Variants in ZNF559 observed in about 807,000 individuals in gnomAD.
ZNF559 encodes zinc finger protein 559.
A neutral mutation model predicts 14.2 loss-of-function variants in ZNF559; 17 were observed. The ratio of observed to expected loss-of-function variants is 1.20; its 90% CI spans 0.82 to 1.80. ZNF559 has a LOEUF of 1.80. Among genes scored for constraint, ZNF559 ranks in the 40% most tolerant of loss-of-function variants. The pLI is 0.00. For synonymous variants in ZNF559, 244 were observed against 212.4 expected (o/e 1.15, Z -1.29); for missense variants, 740 against 629.7 (o/e 1.18, Z -1.88).
At chr19:9,323,939 ATTCT>A (rs1221075300), upstream of ZNF559, 19 of 569,582 alleles carry the variant, frequency 3.3e-5, no homozygotes, top group Non-Finnish European at 5.3e-5. Context: ...TTGTTGCTTC[ATTCT>A]TTCTTTGCTT....
chr19:9,327,500 C>T (rs564753328), intron 2 of ZNF559, among the ~76,000 whole-genome samples: 6 of 152,242 alleles, frequency 3.9e-5, no homozygotes, highest in Non-Finnish European at 5.9e-5. Flanking sequence ...CCTCCCGCCT[C>T]GGCCTCCCAA....
chr19:9,324,471 C>T lies in ZNF559; in HGVS notation c.-205-224C>T, dbSNP rs556849600. On this transcript the variant is annotated intron_variant, in intron 1 of 6. Coordinates refer to ENST00000603380, the MANE Select transcript of ZNF559 (RefSeq NM_032497.3). ...CCCGGGAGGAGGCGGGGGGCACGGC[C>T]TTTCCATTTTCCCTGCTCCCCTCTG... is the stretch of plus-strand genomic sequence containing the variant. The T allele has an allele frequency of 4.2e-4, 597 of 1,420,552 alleles. No individual in the cohort carries two copies. In the African/African-American group the frequency reaches 7.7e-3, roughly 18 times the overall value. The allele number at this position is 1,420,552 out of a possible 1,614,324, so 88.0% of individuals were successfully genotyped here.
rs1415068202 is a variant in ZNF559, at chr19:9,344,242, AAAAG to A, written c.*1178_*1181del. On this transcript the variant is annotated 3_prime_UTR_variant, in exon 7 of 7. Transcript: ENST00000603380. ...GATGATATGGTAAGACCATCTCAAA[AAAAG>A]AAAAAAAAATTAAAATATCCTCAGA... 2.0e-5 allele frequency: 3 copies of A among 152,152 alleles called. No individual in the cohort carries two copies. The highest frequency in any genetic ancestry group is 4.4e-5 in the Non-Finnish European group (3 of 68,030). 9.4% of individuals were successfully genotyped at this position (152,152 alleles called of 1,614,324 possible). A position where few individuals can be genotyped will look rare whatever the true frequency, so the allele number is the denominator to read the frequency against.
In ZNF559 at chr19:9,334,909, C is replaced by T. The variant is rs1437389958; in HGVS notation, c.-119-2887C>T. 8.6e-5 allele frequency among the ~76,000 whole-genome samples: 13 copies of T among 151,756 alleles called. No homozygotes were observed. The East Asian group carries it at 2.1e-3, about 25-fold the overall frequency. On this transcript the variant is annotated intron_variant, in intron 2 of 6. Transcript: ENST00000603380. ...TAGCACTTTGGGAGGCTGAGGCCGG[C>T]GGATCACGAGGTCAGGAGGTCGAAA...
Position 9,344,411 on chromosome 19 carries a change from G to A in ZNF559, c.*1343G>A, listed in dbSNP as rs1432456080. On this transcript the variant is annotated 3_prime_UTR_variant, in exon 7 of 7. Transcript: ENST00000603380. ...TAATTCCAGCAATTTGGGAGGCCAAGGCAGAAGGATCACTTGAGCCCAGGA... is the reference window on the plus strand; with the variant it reads ...TAATTCCAGCAATTTGGGAGGCCAAAGCAGAAGGATCACTTGAGCCCAGGA... 6.6e-6 allele frequency: 1 copy of A among 151,608 alleles called. No homozygotes were observed. The highest frequency in any genetic ancestry group is 1.5e-5 in the Non-Finnish European group (1 of 67,934). 9.4% of individuals were successfully genotyped at this position (151,608 alleles called of 1,614,324 possible). A position where few individuals can be genotyped will look rare whatever the true frequency, so the allele number is the denominator to read the frequency against.
intron 5 of ZNF559, among the ~76,000 whole-genome samples, chr19:9,340,733 A>ATTTT (rs201367378): frequency 1.6e-5 from 2 of 124,660 alleles, no homozygotes; most frequent in African/African-American, 3.1e-5. Context: ...TGCCTGGCTA[A>ATTTT]TTTTTTTTTT....
chr19:9,337,639 AATATG>A (rs1326903410), intron 2 of ZNF559, 152 bp from the exon 3 acceptor site: 1 of 327,618 alleles, frequency 3.1e-6, no homozygotes, highest in African/African-American at 2.1e-5. Context: ...TTCCTCAACT[AATATG>A]ATAGTAACAA....
intron 3 of ZNF559, 113 bp from the exon 4 acceptor site, chr19:9,338,381 T>A (rs2067356782): frequency 1.3e-6 from 1 of 744,914 alleles, no homozygotes; most frequent in Non-Finnish European, 2.2e-6. Context: ...GCTCAGGCAT[T>A]TTATTATAAC....
chr19:9,324,049 G>A (rs1243661079), upstream of ZNF559: 4 of 1,076,670 alleles, frequency 3.7e-6, no homozygotes, highest in South Asian at 2.9e-5. Context: ...GCTCTTCGGG[G>A]AGGTAAACAG....
chr19:9,336,019 A>C (rs1238071186), intron 2 of ZNF559, among the ~76,000 whole-genome samples: 1 of 152,246 alleles, frequency 6.6e-6, no homozygotes, highest in South Asian at 2.1e-4. Flanking sequence ...TAAAGAAATT[A>C]CTTAATTGGC....
chr19:9,340,545 CTTTT>C (rs1166551204), intron 5 of ZNF559, among the ~76,000 whole-genome samples: 1 of 100,798 alleles, frequency 9.9e-6, no homozygotes, highest in Non-Finnish European at 2.0e-5. Context: ...AGAACCATTT[CTTTT>C]TTTTCTCTCT....
rs1381853987 is a variant in ZNF559, at chr19:9,345,475, T to C, written c.*2407T>C. On this transcript the variant is annotated 3_prime_UTR_variant, in exon 7 of 7. Coordinates refer to ENST00000603380, the MANE Select transcript of ZNF559 (RefSeq NM_032497.3). ...TGCCAATTATTGGTATGGTCAGTCTTTTTTATTTTGACCATTTTAATAGGT... is the reference window on the plus strand; with the variant it reads ...TGCCAATTATTGGTATGGTCAGTCTCTTTTATTTTGACCATTTTAATAGGT... 6.6e-6 allele frequency: 1 copy of C among 152,124 alleles called. No homozygotes were observed. The highest frequency in any genetic ancestry group is 1.5e-5 in the Non-Finnish European group (1 of 68,008). The allele number at this position is 152,124 out of a possible 1,614,324, so 9.4% of individuals were successfully genotyped here. A position where few individuals can be genotyped will look rare whatever the true frequency, so the allele number is the denominator to read the frequency against.
At chr19:9,324,533 C>T in intron 1 of ZNF559, 162 bp from the exon 2 acceptor site, 3 of 1,249,596 alleles carry the variant, frequency 2.4e-6, no homozygotes, top group Admixed American at 2.8e-5. Context: ...CGGCTCACGC[C>T]TGTCATTCCC....
At position 9,343,508 on chromosome 19, in the gene ZNF559, T is replaced by C. The variant is rs1020294781; in HGVS notation, c.*440T>C. 25 of 1,005,312 alleles carry C rather than the reference T, an allele frequency of 2.5e-5. No individual in the cohort carries two copies. Among genetic ancestry groups the C allele is most frequent in the Admixed American group, 5.1e-5 (1 of 19,536 alleles). The allele number at this position is 1,005,312 out of a possible 1,614,324, so 62.3% of individuals were successfully genotyped here. ...TGTTGAAACCTTTCACTCTGCCTTATACCTTAATATTCAGCTGTGATCTCA... is the reference window on the plus strand; with the variant it reads ...TGTTGAAACCTTTCACTCTGCCTTACACCTTAATATTCAGCTGTGATCTCA... On this transcript the variant is annotated 3_prime_UTR_variant, in exon 7 of 7. Transcript: ENST00000603380.
chr19:9,342,117 T>C lies in ZNF559; in HGVS notation c.666T>C (p.Phe222=). ...PYTHKEYVET[F]SHSTALFVHM... is the part of the protein sequence containing the mutation. Reference sequence around the variant, plus strand: ...CTCATAAGGAGTATGTCGAAACCTTTTCTCATTCTACAGCCCTTTTTGTAC... The same window carrying C: ...CTCATAAGGAGTATGTCGAAACCTTCTCTCATTCTACAGCCCTTTTTGTAC... Residue 222 remains phenylalanine (F), a synonymous_variant, in exon 7 of 7, where the codon TTT becomes TTC. Transcript: ENST00000603380. 6.2e-7 allele frequency: 1 copy of C among 1,613,544 alleles called. No homozygotes were observed. Among genetic ancestry groups the C allele is most frequent in the Non-Finnish European group, 8.5e-7 (1 of 1,179,860 alleles).
chr19:9,328,269 G>A (rs2066738215), intron 2 of ZNF559, among the ~76,000 whole-genome samples: 1 of 145,656 alleles, frequency 6.9e-6, no homozygotes, highest in Non-Finnish European at 1.5e-5. Flanking sequence ...AGGATATAAA[G>A]TTCAAACATT....
chr19:9,334,532 CA>C (rs992229078), intron 2 of ZNF559, among the ~76,000 whole-genome samples: 1 of 152,056 alleles, frequency 6.6e-6, no homozygotes, highest in African/African-American at 2.4e-5. Flanking sequence ...AGTTTAAAAA[CA>C]GACAAAATTA....
In ZNF559 at chr19:9,341,923, C is replaced by T. The variant is rs1279722059; in HGVS notation, c.472C>T (p.Gln158Ter). 1.2e-6 allele frequency: 2 copies of T among 1,613,392 alleles called. No individual in the cohort carries two copies. The highest frequency in any genetic ancestry group is 1.7e-6 in the Non-Finnish European group (2 of 1,179,846). Residue 158 changes from glutamine to a stop codon, truncating the protein, a stop_gained, in exon 7 of 7, where the codon CAA becomes TAA. Coordinates refer to ENST00000603380, the MANE Select transcript of ZNF559 (RefSeq NM_032497.3). LOFTEE classifies it low-confidence loss of function (END_TRUNC). ...NCNQCETAFS[Q>*]HLHLVCKKTS... ...TAATCAATGTGAAACAGCCTTCAGC[C>T]AACATCTACATCTTGTTTGCAAGAA...
intron 5 of ZNF559, 85 bp downstream of exon 5, chr19:9,339,404 A>G (rs998186478): frequency 6.9e-7 from 1 of 1,445,560 alleles, no homozygotes; most frequent in Non-Finnish European, 9.3e-7. Flanking sequence ...CTGCTTGTTA[A>G]TGGGCTGCAT....
Sources: gnomAD v4.1 joint callset for allele counts (sites outside exome capture counted in the v4.1 genomes callset) on GRCh38, gnomAD v4.1.1 for gene constraint, MANE v1.5 for transcripts, NCBI Gene and HGNC (gene_info 2026-07-23, HGNC 2026-07-21) for gene names.